Variants in AP4M1 observed in about 807,000 individuals in gnomAD.
The protein encoded by AP4M1 is adaptor related protein complex 4 subunit mu 1.
AP4M1 carries 58 observed loss-of-function variants against 62.4 expected under a neutral mutation model. The observed-to-expected ratio is 0.93, with a 90% CI of 0.75 to 1.16. The LOEUF (loss-of-function observed/expected upper bound fraction) is 1.16, where lower values mean the gene tolerates loss of function less well. AP4M1 is among the 50% of genes most tolerant of loss of function. The probability of loss-of-function intolerance (pLI) is 0.00; values close to 1 mark genes in which losing one functional copy is unlikely to be tolerated. For missense variants in AP4M1, 626 were observed against 585.4 expected, an observed-to-expected ratio of 1.07 and a Z score of -0.72; for synonymous variants, 290 against 239.7, an observed-to-expected ratio of 1.21 and a Z score of -1.94.
In AP4M1 at chr7:100,108,502, C is replaced by T. The variant is rs763953183; in HGVS notation, c.*1620C>T. The T allele has an allele frequency of 6.2e-6, 10 of 1,613,054 alleles. No homozygotes were observed. Among genetic ancestry groups the T allele is most frequent in the East Asian group, 4.5e-5 (2 of 44,862 alleles). ...CCCGATAGGCGTCCTGATTGTCAGGCGGTGGGCGCAGCTTTGCCAGAACAG... is the reference window on the plus strand; with the variant it reads ...CCCGATAGGCGTCCTGATTGTCAGGTGGTGGGCGCAGCTTTGCCAGAACAG... On this transcript the variant is annotated 3_prime_UTR_variant, in exon 15 of 15. Transcript: ENST00000359593.
chr7:100,101,370 G>A, upstream of AP4M1: 3 of 1,592,726 alleles, frequency 1.9e-6, no homozygotes, highest in Non-Finnish European at 2.6e-6. Flanking sequence ...ATCTCCGCGC[G>A]GTGGACTGTG....
chr7:100,103,698 G>A lies in AP4M1; in HGVS notation c.543+6G>A, dbSNP rs1194573043. On this transcript the variant is annotated splice_donor_region_variant and intron_variant, in intron 6 of 14. Transcript: ENST00000359593. ...TGTCCAGTCGCTCTGACCAGGTGAG[G>A]GAAGGATCCATGGGGTCAGACGCTC... The A allele has an allele frequency of 1.2e-6, 2 of 1,611,398 alleles. No individual in the cohort carries two copies. Among genetic ancestry groups the A allele is most frequent in the Admixed American group, 1.7e-5 (1 of 60,010 alleles).
rs185657098 is a variant in AP4M1 at position 100,107,375 on chromosome 7, C to T, written c.*493C>T. ...AAAGGGCACTGCCGCTGAGTGGGGA[C>T]GGGGACGATGCCGGGGGAGGAACTG... On this transcript the variant is annotated 3_prime_UTR_variant, in exon 15 of 15. Coordinates refer to ENST00000359593, the MANE Select transcript of AP4M1 (RefSeq NM_004722.4). 2.1e-5 allele frequency: 33 copies of T among 1,587,848 alleles called. No individual in the cohort carries two copies. In the Middle Eastern group the frequency reaches 5.1e-4, roughly 24 times the overall value.
In AP4M1 at chr7:100,108,469, G is replaced by T. The variant is rs374989021; in HGVS notation, c.*1587G>T. ...AGCAGAGGAGGGGCCCAAGGGACCC[G>T]AATTCTGCCCGATAGGCGTCCTGAT... On this transcript the variant is annotated 3_prime_UTR_variant, in exon 15 of 15. Transcript: ENST00000359593. The T allele has an allele frequency of 2.5e-6, 4 of 1,613,874 alleles. No individual in the cohort carries two copies. The South Asian group carries it at 4.4e-5, about 18-fold the overall frequency.
rs1796774992 is a variant in AP4M1, at chr7:100,108,283, A to C, written c.*1401A>C. The C allele has an allele frequency of 3.3e-6, 5 of 1,502,228 alleles. No individual in the cohort carries two copies. Among genetic ancestry groups the C allele is most frequent in the Non-Finnish European group, 3.5e-6 (4 of 1,126,822 alleles). The allele number at this position is 1,502,228 out of a possible 1,614,324, so 93.1% of individuals were successfully genotyped here. Reference sequence around the variant, plus strand: ...TGCCCTGAGACTACTGACTGAGGGCACATGTGGCTGTGTGCAAGTGCCTGT... The same window carrying C: ...TGCCCTGAGACTACTGACTGAGGGCCCATGTGGCTGTGTGCAAGTGCCTGT... On this transcript the variant is annotated 3_prime_UTR_variant, in exon 15 of 15. Transcript: ENST00000359593.
rs745950721 is a variant in AP4M1 at position 100,108,003 on chromosome 7, C to T, written c.*1121C>T. 6.8e-6 allele frequency: 11 copies of T among 1,613,958 alleles called. No homozygotes were observed. The highest frequency in any genetic ancestry group is 1.1e-5 in the South Asian group (1 of 91,060). ...GGAGGAGGGGAAGGCTGTGGTGGGG[C>T]AGCCGCTCGTGCAGACACCAGTGTC... On this transcript the variant is annotated 3_prime_UTR_variant, in exon 15 of 15. Coordinates refer to ENST00000359593, the MANE Select transcript of AP4M1 (RefSeq NM_004722.4).
rs1304199047 is a variant in AP4M1 at position 100,107,987 on chromosome 7, G to C, written c.*1105G>C. 1.9e-6 allele frequency: 3 copies of C among 1,614,056 alleles called. No homozygotes were observed. In the East Asian group the frequency reaches 6.7e-5, roughly 36 times the overall value. On this transcript the variant is annotated 3_prime_UTR_variant, in exon 15 of 15. Transcript: ENST00000359593. ...TACAATAAACTTGGTTGGAGGAGGG[G>C]AAGGCTGTGGTGGGGCAGCCGCTCG... is the stretch of plus-strand genomic sequence containing the variant.
chr7:100,106,152 T>G, intron 12 of AP4M1, 89 bp from the exon 13 acceptor site: 1 of 1,562,036 alleles, frequency 6.4e-7, no homozygotes, highest in Non-Finnish European at 8.8e-7. Flanking sequence ...GGGGGGCACC[T>G]GTGCTGAAAT....
Position 100,106,726 on chromosome 7 carries a change from G to T in AP4M1, c.1206G>T (p.Leu402=), listed in dbSNP as rs1796537998. 3 of 1,613,806 alleles carry T rather than the reference G, an allele frequency of 1.9e-6. No individual in the cohort carries two copies. Among genetic ancestry groups the T allele is most frequent in the Non-Finnish European group, 1.7e-6 (2 of 1,180,052 alleles). ...GLSTSASPLG[L]GPASLSFELP... is the part of the protein sequence containing the mutation. ...CCACCTCGGCCTCTCCTCTGGGGCT[G>T]GGCCCTGCCAGTCTCTCCTTCGAGC... The change falls in exon 15 of 15, where the codon CTG becomes CTT. Residue 402 remains leucine (L), a synonymous_variant. Transcript: ENST00000359593.
chr7:100,107,196 G>T lies in AP4M1; in HGVS notation c.*314G>T. Reference sequence around the variant, plus strand: ...CGAGCATGCATGTGTGTACGTGCACGTGTGTACATGTCTGCATGTGTGGGA... The same window carrying T: ...CGAGCATGCATGTGTGTACGTGCACTTGTGTACATGTCTGCATGTGTGGGA... On this transcript the variant is annotated 3_prime_UTR_variant, in exon 15 of 15. Transcript: ENST00000359593. 2.0e-6 allele frequency: 3 copies of T among 1,518,866 alleles called. No individual in the cohort carries two copies. The highest frequency in any genetic ancestry group is 1.3e-5 in the South Asian group (1 of 75,410). 94.1% of individuals were successfully genotyped at this position (1,518,866 alleles called of 1,614,324 possible).
rs370797954 is a variant in AP4M1, at chr7:100,105,033, C to G, written c.674-12C>G. 2.5e-5 allele frequency: 40 copies of G among 1,614,034 alleles called. No individual in the cohort carries two copies. The highest frequency in any genetic ancestry group is 3.1e-5 in the Non-Finnish European group (37 of 1,180,042). ...CATTGCTGAGCTCTCCTGATGGTCT[C>G]TCCTCCGACAGAGATGCGCATTGGC... On this transcript the variant is annotated splice_polypyrimidine_tract_variant and intron_variant, in intron 8 of 14. Transcript: ENST00000359593.
In AP4M1 at chr7:100,107,360, G is replaced by T; in HGVS notation, c.*478G>T. On this transcript the variant is annotated 3_prime_UTR_variant, in exon 15 of 15. Transcript: ENST00000359593. The stretch of plus-strand genomic sequence containing the variant: ...CCTGCTTCCCCCCACAAAGGGCACT[G>T]CCGCTGAGTGGGGACGGGGACGATG... 1 of 1,569,946 alleles carries T rather than the reference G, an allele frequency of 6.4e-7. No individual in the cohort carries two copies.
Position 100,107,776 on chromosome 7 carries a change from C to CTGT in AP4M1, c.*894_*895insTGT. 3 of 1,384,602 alleles carry CTGT rather than the reference C, an allele frequency of 2.2e-6. No individual in the cohort carries two copies. The highest frequency in any genetic ancestry group is 2.9e-6 in the Non-Finnish European group (3 of 1,034,364). The allele number at this position is 1,384,602 out of a possible 1,614,324, so 85.8% of individuals were successfully genotyped here. ...GGCTGGAGACCTTGTTCATGCAGGG[C>CTGT]AGCTACAGCCCTGCAGGACCCTGGT... On this transcript the variant is annotated 3_prime_UTR_variant, in exon 15 of 15. Transcript: ENST00000359593.
intron 4 of AP4M1, 125 bp from the exon 5 acceptor site, chr7:100,103,284 T>C (rs1484792265): frequency 1.2e-6 from 1 of 839,490 alleles, no homozygotes; most frequent in East Asian, 2.6e-5. Flanking sequence ...CCTCAAGCCA[T>C]TCTCCTACGT....
Position 100,108,439 on chromosome 7 carries a change from C to G in AP4M1, c.*1557C>G. On this transcript the variant is annotated 3_prime_UTR_variant, in exon 15 of 15. Transcript: ENST00000359593. The stretch of plus-strand genomic sequence containing the variant: ...CAGCCTGGGCCCGAGCCTTGACCAC[C>G]TGGGAGCAGAGGAGGGGCCCAAGGG... 1 of 1,613,980 alleles carries G rather than the reference C, an allele frequency of 6.2e-7. No individual in the cohort carries two copies. Among genetic ancestry groups the G allele is most frequent in the Non-Finnish European group, 8.5e-7 (1 of 1,179,886 alleles).
upstream of AP4M1, chr7:100,101,053 T>G: frequency 2.8e-6 from 2 of 705,348 alleles, no homozygotes; most frequent in Non-Finnish European, 4.6e-6. Context: ...CTTTACCAGG[T>G]GGGATTACTA....
Position 100,108,189 on chromosome 7 carries a change from G to T in AP4M1, c.*1307G>T. The T allele has an allele frequency of 6.6e-7, 1 of 1,504,042 alleles. No homozygotes were observed. Among genetic ancestry groups the T allele is most frequent in the Non-Finnish European group, 8.9e-7 (1 of 1,121,156 alleles). 93.2% of individuals were successfully genotyped at this position (1,504,042 alleles called of 1,614,324 possible). On this transcript the variant is annotated 3_prime_UTR_variant, in exon 15 of 15. Transcript: ENST00000359593. ...TAAGAAGAGGAGTCTGAAGGGAGAG[G>T]CCTGGGCTCCCCTCGCTCTTCCTCA...
chr7:100,100,844 C>G, upstream of AP4M1: 1 of 1,017,414 alleles, frequency 9.8e-7, no homozygotes, highest in Non-Finnish European at 1.2e-6. Flanking sequence ...GCGCAGCGGC[C>G]CCGGCCTGCC....
At chr7:100,101,432 A>C (rs1035399221), upstream of AP4M1, 6 of 1,210,394 alleles carry the variant, frequency 5.0e-6, no homozygotes, top group Admixed American at 1.9e-5. Context: ...GACCGGCGCC[A>C]CTGCGTGCGG....
Sources: allele counts gnomAD v4.1 joint callset, GRCh38; gene constraint gnomAD v4.1.1; transcripts MANE v1.5; gene names NCBI Gene and HGNC (gene_info 2026-07-23, HGNC 2026-07-21).